The following ROBO2 variants were observed in gnomAD, a reference collection of about 807,000 sequenced individuals.
The protein encoded by ROBO2 is roundabout homolog 2.
A neutral mutation model predicts 160.8 loss-of-function variants in ROBO2; 53 were observed. The observed-to-expected ratio is 0.33, with a 90% confidence interval of 0.26 to 0.41. ROBO2 has a LOEUF of 0.41. Among genes scored for constraint, ROBO2 ranks in the 10% least tolerant of loss-of-function variants. The pLI is 1.00. For synonymous variants in ROBO2, 664 were observed against 611.7 expected (o/e 1.09, Z -1.26); for missense variants, 1,577 against 1,722.4 (o/e 0.92, Z 1.49).
At chr3:76,727,325 A>C (rs2107793713) in intron 2 of ROBO2, among the ~76,000 whole-genome samples, 1 of 152,316 alleles carries the variant, frequency 6.6e-6, no homozygotes, top group African/African-American at 2.4e-5. Flanking sequence ...GAAAATAGAA[A>C]GGAAGACAGA....
upstream of ROBO2, among the ~76,000 whole-genome samples, chr3:77,037,103 T>C (rs1341117909): frequency 6.6e-6 from 1 of 152,152 alleles, no homozygotes; most frequent in Non-Finnish European, 1.5e-5. Flanking sequence ...ATGTTGTCCA[T>C]AACAAATTTC....
intron 2 of ROBO2, among the ~76,000 whole-genome samples, chr3:77,173,582 T>TG (rs2079845588): frequency 6.6e-6 from 1 of 152,080 alleles, no homozygotes; most frequent in African/African-American, 2.4e-5. Flanking sequence ...TAACCTTTTA[T>TG]GACCCGCAAT....
intron 2 of ROBO2, among the ~76,000 whole-genome samples, chr3:77,269,332 C>T (rs941088592): frequency 2.6e-5 from 4 of 152,046 alleles, no homozygotes; most frequent in Non-Finnish European, 4.4e-5. Flanking sequence ...ACCCAGTAGA[C>T]CTAACACATA....
chr3:77,413,466 C>T (rs143317176), intron 2 of ROBO2, among the ~76,000 whole-genome samples: 35 of 152,078 alleles, frequency 2.3e-4, no homozygotes, highest in Middle Eastern at 3.4e-3. Context: ...TGATGCTAAG[C>T]GAGACAGGAA....
intron 2 of ROBO2, among the ~76,000 whole-genome samples, chr3:76,994,389 T>C (rs950126242): frequency 2.6e-5 from 4 of 151,758 alleles, no homozygotes; most frequent in Non-Finnish European, 4.4e-5. Flanking sequence ...CTTTAAACTT[T>C]TTACTGCATT....
intron 2 of ROBO2, among the ~76,000 whole-genome samples, chr3:77,135,462 G>A (rs565929951): frequency 3.7e-4 from 57 of 152,172 alleles, no homozygotes; most frequent in African/African-American, 1.4e-3. Context: ...GTGCAGTGAT[G>A]TGATCTCTGC....
At chr3:76,398,330 TG>T in intron 2 of ROBO2, among the ~76,000 whole-genome samples, 1 of 87,744 alleles carries the variant, frequency 1.1e-5, no homozygotes, top group Admixed American at 1.4e-4. Context: ...TGTTGTGGGG[TG>T]GGGGGAGGAG....
At chr3:77,212,110 A>G (rs1488957383) in intron 2 of ROBO2, among the ~76,000 whole-genome samples, 2 of 152,166 alleles carry the variant, frequency 1.3e-5, no homozygotes, top group Non-Finnish European at 2.9e-5. Flanking sequence ...AATTCTGTGA[A>G]GAAAGTCATT....
chr3:77,606,938 T>C (rs943400027), intron 20 of ROBO2, among the ~76,000 whole-genome samples: 1 of 152,198 alleles, frequency 6.6e-6, no homozygotes, highest in Non-Finnish European at 1.5e-5. Context: ...CATTTAACTG[T>C]AGTCCACTTT....
At chr3:76,708,282 A>G (rs1168604481) in intron 2 of ROBO2, among the ~76,000 whole-genome samples, 1 of 152,176 alleles carries the variant, frequency 6.6e-6, no homozygotes, top group Non-Finnish European at 1.5e-5. Context: ...ATTTGAACCT[A>G]GAAGGTTGGA....
At chr3:76,425,968 T>G (rs2076206431) in intron 2 of ROBO2, among the ~76,000 whole-genome samples, 1 of 152,152 alleles carries the variant, frequency 6.6e-6, no homozygotes, top group African/African-American at 2.4e-5. Flanking sequence ...ATTAAAACAC[T>G]TATTGGTTTA....
intron 2 of ROBO2, among the ~76,000 whole-genome samples, chr3:76,560,933 GATATATATATATATATATAT>G (rs10581875): frequency 6.2e-5 from 8 of 128,162 alleles, no homozygotes; most frequent in Admixed American, 7.9e-5. Flanking sequence ...TAAGAAGTAA[GATATATATATATATATATAT>G]ATATATATAT....
In ROBO2 at chr3:76,272,994, TA is replaced by T. The variant is rs370366619; in HGVS notation, c.109+335394del. ...TAAAATATATATAATATATAATATA[TA>T]ATTTATATATAAAAATATATTATAT... On this transcript the variant is annotated intron_variant, in intron 2 of 26. Coordinates refer to the ROBO2 transcript ENST00000487694. 1.9e-4 allele frequency among the ~76,000 whole-genome samples: 15 copies of T among 78,956 alleles called. 1 individual carries two copies. Among genetic ancestry groups the T allele is most frequent in the African/African-American group, 8.2e-4 (14 of 17,174 alleles). The allele number at this position is 78,956 out of a possible 152,430, so 51.8% of individuals were successfully genotyped here.
intron 2 of ROBO2, among the ~76,000 whole-genome samples, chr3:77,098,811 G>C (rs1017489262): frequency 5.9e-5 from 9 of 151,962 alleles, no homozygotes; most frequent in African/African-American, 1.9e-4. Flanking sequence ...AGCCGAGATC[G>C]CGCCACTGCA....
chr3:76,062,803 G>C (rs1014873516), intron 2 of ROBO2, among the ~76,000 whole-genome samples: 4 of 152,256 alleles, frequency 2.6e-5, no homozygotes, highest in East Asian at 1.9e-4. Context: ...TTTTCCCCCA[G>C]ATAATGCCTT....
intron 2 of ROBO2, among the ~76,000 whole-genome samples, chr3:76,206,269 A>C (rs2107288399): frequency 6.6e-6 from 1 of 152,140 alleles, no homozygotes; most frequent in South Asian, 2.1e-4. Context: ...GTCCTCATTT[A>C]CTATTTTCTA....
intron 2 of ROBO2, among the ~76,000 whole-genome samples, chr3:76,171,729 G>A (rs1037194199): frequency 6.6e-6 from 1 of 151,976 alleles, no homozygotes; most frequent in Non-Finnish European, 1.5e-5. Flanking sequence ...AAGAGGTCCT[G>A]TTGTGCAAAA....
intron 6 of ROBO2, among the ~76,000 whole-genome samples, chr3:77,543,911 C>T (rs1209864608): frequency 1.3e-5 from 2 of 152,064 alleles, no homozygotes; most frequent in Non-Finnish European, 2.9e-5. Flanking sequence ...CTGATTTTGA[C>T]CAAACTGAGT....
At position 76,597,571 on chromosome 3, in the gene ROBO2, C is replaced by T. The variant is rs532437625; in HGVS notation, c.110-500443C>T. Among the ~76,000 whole-genome samples, 5 of 152,214 alleles carry T rather than the reference C, an allele frequency of 3.3e-5. No homozygotes were observed. In the South Asian group the frequency reaches 1.0e-3, roughly 32 times the overall value. ...ACAATGAGGTTCACTACACACCTATCATAATAGCTAAAATAAAAAAACAGA... is the reference window on the plus strand; with the variant it reads ...ACAATGAGGTTCACTACACACCTATTATAATAGCTAAAATAAAAAAACAGA... On this transcript the variant is annotated intron_variant, in intron 2 of 26. Transcript: ENST00000487694.
Sources: gnomAD v4.1 joint callset for allele counts (sites outside exome capture counted in the v4.1 genomes callset) on GRCh38, gnomAD v4.1.1 for gene constraint, MANE v1.5 for transcripts, NCBI Gene and HGNC (gene_info 2026-07-23, HGNC 2026-07-21) for gene names.